The following ADGRG6 variants were observed in gnomAD, a reference collection of about 807,000 sequenced individuals.
The protein encoded by ADGRG6 is G-protein coupled receptor 126.
Under a neutral mutation model 142.4 loss-of-function variants are expected in ADGRG6, and 84 were observed. The observed-to-expected ratio is 0.59, with a 90% CI of 0.49 to 0.71. ADGRG6 has a LOEUF of 0.71. ADGRG6 is among the 30% of genes least tolerant of loss of function. The pLI is 0.00. For missense variants in ADGRG6, 1,367 were observed against 1,466.6 expected (o/e 0.93, Z 1.11); for synonymous variants, 521 against 520.5 (o/e 1.00, Z -0.01).
Position 142,370,456 on chromosome 6 carries a change from C to A in ADGRG6, c.732C>A (p.Asp244Glu), listed in dbSNP as rs375922102. ...CATTACCTGTCAAAGAAAAAGAAGA[C>A]ATTTTTGCAGAAAGCTTTGAACAGC... ...NNALPVKEKE[D>E]IFAESFEQLC... The change falls in exon 4 of 25, where the codon GAC becomes GAA. Residue 244 changes from aspartate (D) to glutamate (E), a missense_variant. Coordinates refer to ENST00000367609, the MANE Select transcript of ADGRG6 (RefSeq NM_198569.3). 6.8e-6 allele frequency: 11 copies of A among 1,612,962 alleles called. No individual in the cohort carries two copies. Among genetic ancestry groups the A allele is most frequent in the South Asian group, 1.1e-5 (1 of 91,064 alleles).
chr6:142,439,119 C>A (rs181588473), intron 24 of ADGRG6, among the ~76,000 whole-genome samples: 1 of 152,140 alleles, frequency 6.6e-6, no homozygotes, highest in South Asian at 2.1e-4. Context: ...AACTGTACCA[C>A]AGCCTGGGCA....
Position 142,390,288 on chromosome 6 carries a change from T to C in ADGRG6, c.1253T>C (p.Ile418Thr). 1 of 1,599,042 alleles carries C rather than the reference T, an allele frequency of 6.3e-7. No individual in the cohort carries two copies. Among genetic ancestry groups the C allele is most frequent in the Non-Finnish European group, 8.6e-7 (1 of 1,168,562 alleles). ...ATTATCTATAGAATATCCGTAGTGA[T>C]TCAGAACATCCTTCGTCACCCTGAG... ...DGIIYRISVV[I>T]QNILRHPEVK... The change falls in exon 7 of 25, where the codon ATT becomes ACT. Residue 418 changes from isoleucine to threonine, a missense_variant. Ile to Thr is a moderately conservative substitution (Grantham distance 89). Transcript: ENST00000367609.
chr6:142,390,949 C>T (rs1434527608), intron 7 of ADGRG6, among the ~76,000 whole-genome samples: 1 of 151,634 alleles, frequency 6.6e-6, no homozygotes, highest in African/African-American at 2.4e-5. Context: ...GCCAGATTTG[C>T]AACATTAGAG....
chr6:142,408,342 C>T, intron 16 of ADGRG6, 73 bp downstream of exon 16: 2 of 1,176,994 alleles, frequency 1.7e-6, no homozygotes, highest in Non-Finnish European at 2.3e-6. Flanking sequence ...TTTTTTTCTA[C>T]ATGTTAAAAA....
chr6:142,365,896 T>A (rs1441360204), intron 2 of ADGRG6, among the ~76,000 whole-genome samples: 2 of 152,236 alleles, frequency 1.3e-5, no homozygotes, highest in Non-Finnish European at 2.9e-5. Flanking sequence ...AATGTTATTG[T>A]ATATGCATTC....
intron 2 of ADGRG6, among the ~76,000 whole-genome samples, chr6:142,363,376 T>A (rs1196807212): frequency 6.6e-6 from 1 of 152,142 alleles, no homozygotes; most frequent in Non-Finnish European, 1.5e-5. Flanking sequence ...TAAATCTATA[T>A]CAAAATGTTA....
intron 7 of ADGRG6, among the ~76,000 whole-genome samples, chr6:142,392,491 A>G (rs1301155991): frequency 3.3e-5 from 5 of 151,780 alleles, no homozygotes; most frequent in Non-Finnish European, 7.4e-5. Context: ...TACTAGAAAA[A>G]TGTTTAGTGT....
intron 4 of ADGRG6, among the ~76,000 whole-genome samples, chr6:142,372,224 G>T (rs2114878689): frequency 6.6e-6 from 1 of 152,302 alleles, no homozygotes; most frequent in East Asian, 1.9e-4. Flanking sequence ...AACACAAAAA[G>T]TAGAAGTTTC....
chr6:142,314,875 C>T (rs1777952612), intron 2 of ADGRG6, among the ~76,000 whole-genome samples: 1 of 151,898 alleles, frequency 6.6e-6, no homozygotes, highest in South Asian at 2.1e-4. Context: ...CTTCAAATTC[C>T]CCTATCACTA....
At chr6:142,374,077 G>C (rs1781383625) in intron 4 of ADGRG6, among the ~76,000 whole-genome samples, 1 of 151,880 alleles carries the variant, frequency 6.6e-6, no homozygotes, top group Admixed American at 6.6e-5. Context: ...GTCTGCCTCT[G>C]TGCTACAATG....
At position 142,403,866 on chromosome 6, in the gene ADGRG6, A is replaced by G; in HGVS notation, c.2020A>G (p.Ile674Val). 3 of 1,610,304 alleles carry G rather than the reference A, an allele frequency of 1.9e-6. No individual in the cohort carries two copies. The South Asian group carries it at 3.3e-5, about 18-fold the overall frequency. The stretch of plus-strand genomic sequence containing the variant: ...CCTAAATAGCACATCACATGTGAAT[A>G]TTACAACTCGGAACTTGGCTCTCAG... Reference protein sequence around the residue: ...IDLNSTSHVNITTRNLALSVS... With the variant: ...IDLNSTSHVNVTTRNLALSVS... The change falls in exon 14 of 25, where the codon ATT (isoleucine) becomes GTT (valine). Residue 674 changes from isoleucine (I) to valine (V), a missense_variant. Ile to Val is a conservative substitution (Grantham distance 29). This residue lies in a region of ADGRG6 where 286 missense variants were observed against 371.4 expected (regional missense o/e 0.77). Coordinates refer to ENST00000367609, the MANE Select transcript of ADGRG6 (RefSeq NM_198569.3).
chr6:142,429,326 A>G (rs1777101691), intron 22 of ADGRG6, among the ~76,000 whole-genome samples: 1 of 152,234 alleles, frequency 6.6e-6, no homozygotes, highest in African/African-American at 2.4e-5. Flanking sequence ...TTACATAATT[A>G]CATGTATAAT....
At position 142,383,755 on chromosome 6, in the gene ADGRG6, AC is replaced by A; in HGVS notation, c.1139-3del. 3.5e-6 allele frequency: 5 copies of A among 1,438,518 alleles called. No individual in the cohort carries two copies. The highest frequency in any genetic ancestry group is 4.9e-6 in the Non-Finnish European group (5 of 1,025,022). 89.1% of individuals were successfully genotyped at this position (1,438,518 alleles called of 1,614,324 possible). A position where few individuals can be genotyped will look rare whatever the true frequency, so the allele number is the denominator to read the frequency against. Reference sequence around the variant, plus strand: ...AAATTACATCTTTCTCATCTTTATTACCAGCTACTGTAAACTCTCCTAGTAC... The same window carrying A: ...AAATTACATCTTTCTCATCTTTATTACAGCTACTGTAAACTCTCCTAGTAC... On this transcript the variant is annotated splice_region_variant and splice_polypyrimidine_tract_variant and intron_variant, in intron 5 of 24. Transcript: ENST00000367609.
intron 2 of ADGRG6, among the ~76,000 whole-genome samples, chr6:142,312,340 A>G (rs1777810293): frequency 6.6e-6 from 1 of 152,070 alleles, no homozygotes; most frequent in Non-Finnish European, 1.5e-5. Context: ...TTTATATTTC[A>G]TGGGACACTT....
At chr6:142,373,881 C>CTTTTTTTTTT (rs769498618) in intron 4 of ADGRG6, among the ~76,000 whole-genome samples, 21 of 93,810 alleles carry the variant, frequency 2.2e-4, no homozygotes, top group African/African-American at 3.3e-4. Flanking sequence ...TTTTTCTTTT[C>CTTTTTTTTTT]TTTTTTTTTT....
chr6:142,311,240 C>T (rs768439576), intron 2 of ADGRG6, among the ~76,000 whole-genome samples: 6 of 151,950 alleles, frequency 3.9e-5, no homozygotes, highest in Non-Finnish European at 7.4e-5. Context: ...TACTCTCTCA[C>T]ACAAGATTTT....
In ADGRG6 at chr6:142,367,915, G is replaced by A. The variant is rs1349254596; in HGVS notation, c.445+5G>A. ...TCAATGCCAGCTACATCAGAGGTAT[G>A]TAAACCAAAGGCAACGCCAACCTTC... On this transcript the variant is annotated splice_donor_5th_base_variant and intron_variant, in intron 3 of 24. Transcript: ENST00000367609. 6.4e-7 allele frequency: 1 copy of A among 1,554,374 alleles called. No homozygotes were observed. Among genetic ancestry groups the A allele is most frequent in the Non-Finnish European group, 8.8e-7 (1 of 1,137,462 alleles).
chr6:142,315,247 G>A (rs893099486), intron 2 of ADGRG6, among the ~76,000 whole-genome samples: 1 of 151,970 alleles, frequency 6.6e-6, no homozygotes, highest in Non-Finnish European at 1.5e-5. Flanking sequence ...ATTCTTTAAG[G>A]AGTTTTCTTT....
At chr6:142,329,860 T>C (rs1037386232) in intron 2 of ADGRG6, among the ~76,000 whole-genome samples, 7 of 152,170 alleles carry the variant, frequency 4.6e-5, no homozygotes, top group Non-Finnish European at 1.0e-4. Context: ...TATCTGCCAC[T>C]TATAGGAAGG....
Sources: gnomAD v4.1 joint callset for allele counts (sites outside exome capture counted in the v4.1 genomes callset) on GRCh38, gnomAD v4.1.1 for gene constraint, gnomAD v4.1.1 regional missense constraint, MANE v1.5 for transcripts, NCBI Gene and HGNC (gene_info 2026-07-23, HGNC 2026-07-21) for gene names.